Variants in USP49 observed in about 807,000 individuals in gnomAD.
The protein encoded by USP49 is ubiquitin carboxyl-terminal hydrolase 49.
USP49 carries 24 observed loss-of-function variants against 58.6 expected under a neutral mutation model. The observed-to-expected ratio is 0.41, with a 90% CI of 0.30 to 0.58. USP49 has a LOEUF of 0.58. Ranked by LOEUF, USP49 falls within the 20% of genes least tolerant of loss-of-function variation. The pLI, the probability that USP49 is intolerant of heterozygous loss-of-function variation, is 0.30. For synonymous variants in USP49, 408 were observed against 365.1 expected, an observed-to-expected ratio of 1.12 and a Z score of -1.34; for missense variants, 703 against 866.1, an observed-to-expected ratio of 0.81 and a Z score of 2.36.
intron 3 of USP49, among the ~76,000 whole-genome samples, chr6:41,810,854 C>T (rs567743255): frequency 1.3e-5 from 2 of 152,154 alleles, no homozygotes; most frequent in East Asian, 1.9e-4. Flanking sequence ...CCACCGTGCC[C>T]GGCCGGTAGT....
chr6:41,836,583 T>A (rs995450657), intron 3 of USP49, among the ~76,000 whole-genome samples: 1 of 152,136 alleles, frequency 6.6e-6, no homozygotes, highest in Non-Finnish European at 1.5e-5. Flanking sequence ...AGTCAAACTA[T>A]ATTTGCAGAT....
chr6:41,831,317 G>C (rs557603522), intron 3 of USP49, among the ~76,000 whole-genome samples: 2 of 152,056 alleles, frequency 1.3e-5, no homozygotes, highest in Non-Finnish European at 2.9e-5. Context: ...TTGAACCCAG[G>C]GGGTGGAGGT....
chr6:41,869,653 T>A (rs1414631551), intron 3 of USP49: 3 of 149,390 alleles, frequency 2.0e-5, no homozygotes, highest in African/African-American at 7.4e-5. Context: ...GAAGTTGCAG[T>A]GAACCAAGAC....
At chr6:41,797,098 C>T (rs563434426) in intron 7 of USP49, among the ~76,000 whole-genome samples, 30 of 152,100 alleles carry the variant, frequency 2.0e-4, no homozygotes, top group African/African-American at 7.0e-4. Flanking sequence ...GTAGCTGGGA[C>T]TACAGGTGCC....
chr6:41,794,362 C>T lies in USP49; in HGVS notation c.*2171G>A, dbSNP rs1376364045. The T allele has an allele frequency of 6.6e-6, 1 of 152,154 alleles. No individual in the cohort carries two copies. The highest frequency in any genetic ancestry group is 2.4e-5 in the African/African-American group (1 of 41,430). 9.4% of individuals were successfully genotyped at this position (152,154 alleles called of 1,614,324 possible). On this transcript the variant is annotated 3_prime_UTR_variant, in exon 8 of 8. Transcript: ENST00000682992. ...ATTTTTAAAAATTAAATTGGAAGATCTTTGAATTTTCCATTAAATGTTTAT... is the reference window on the plus strand; with the variant it reads ...ATTTTTAAAAATTAAATTGGAAGATTTTTGAATTTTCCATTAAATGTTTAT...
chr6:41,889,235 G>C (rs1774770707), intron 2 of USP49, among the ~76,000 whole-genome samples: 1 of 151,916 alleles, frequency 6.6e-6, no homozygotes, highest in Admixed American at 6.6e-5. Context: ...GTTTTACCAT[G>C]TTGGCCAGGC....
intron 3 of USP49, among the ~76,000 whole-genome samples, chr6:41,841,302 T>C (rs1773823538): frequency 6.6e-6 from 1 of 152,082 alleles, no homozygotes; most frequent in South Asian, 2.1e-4. Context: ...AGAAATATTA[T>C]AGTTAAAAAA....
intron 3 of USP49, among the ~76,000 whole-genome samples, chr6:41,859,776 A>C (rs547950576): frequency 6.6e-6 from 1 of 152,354 alleles, no homozygotes; most frequent in African/African-American, 2.4e-5. Flanking sequence ...AGTTCAAAAA[A>C]TAAGACAATC....
At chr6:41,812,955 CATT>C (rs1454728897) in intron 3 of USP49, among the ~76,000 whole-genome samples, 8 of 151,904 alleles carry the variant, frequency 5.3e-5, no homozygotes, top group African/African-American at 1.2e-4. Context: ...ATAGAGAATT[CATT>C]ATTATTACAC....
chr6:41,832,083 T>C (rs1773644669), intron 3 of USP49, among the ~76,000 whole-genome samples: 4 of 152,166 alleles, frequency 2.6e-5, no homozygotes, highest in South Asian at 4.1e-4. Context: ...TTACTAACCA[T>C]AGTCCAAACT....
rs180892960 is a variant in USP49 at position 41,790,592 on chromosome 6, G to T, written c.*5941C>A. 2 of 152,282 alleles carry T rather than the reference G, an allele frequency of 1.3e-5. No homozygotes were observed. The highest frequency in any genetic ancestry group is 3.9e-4 in the East Asian group (2 of 5,184). 9.4% of individuals were successfully genotyped at this position (152,282 alleles called of 1,614,324 possible). On this transcript the variant is annotated 3_prime_UTR_variant, in exon 8 of 8. Coordinates refer to ENST00000682992, the MANE Select transcript of USP49 (RefSeq NM_001286554.2). ...GGATTAAAGGACGTTAATTGGAAAGGAGGGTCAGTATATAAGGACCACAGT... is the reference window on the plus strand; with the variant it reads ...GGATTAAAGGACGTTAATTGGAAAGTAGGGTCAGTATATAAGGACCACAGT...
intron 3 of USP49, among the ~76,000 whole-genome samples, chr6:41,831,424 CA>C (rs1773632198): frequency 1.4e-5 from 2 of 148,094 alleles, no homozygotes; most frequent in South Asian, 4.3e-4. Flanking sequence ...AATAAAAATA[CA>C]AAAAATTAGC....
At chr6:41,833,061 G>C (rs1773663794) in intron 3 of USP49, 1 of 148,094 alleles carries the variant, frequency 6.8e-6, no homozygotes, top group African/African-American at 2.5e-5. Context: ...TTGTTGCCCA[G>C]GCTGGAGTGC....
chr6:41,867,840 AT>A (rs1774347237), intron 3 of USP49, among the ~76,000 whole-genome samples: 2 of 152,208 alleles, frequency 1.3e-5, no homozygotes, highest in Non-Finnish European at 2.9e-5. Context: ...ACTATAAATG[AT>A]TCATAATGAA....
At chr6:41,867,156 C>T (rs574293577) in intron 3 of USP49, among the ~76,000 whole-genome samples, 1 of 152,256 alleles carries the variant, frequency 6.6e-6, no homozygotes, top group African/African-American at 2.4e-5. Context: ...AAAACAAAAA[C>T]CACATACTAC....
intron 3 of USP49, among the ~76,000 whole-genome samples, chr6:41,812,706 T>C (rs918253124): frequency 1.3e-5 from 2 of 152,088 alleles, no homozygotes; most frequent in Non-Finnish European, 2.9e-5. Flanking sequence ...AAAAAAACTT[T>C]AGTACATTAA....
At position 41,805,619 on chromosome 6, in the gene USP49, C is replaced by G; in HGVS notation, c.1356+9G>C. 1 of 1,603,392 alleles carries G rather than the reference C, an allele frequency of 6.2e-7. No homozygotes were observed. The highest frequency in any genetic ancestry group is 8.5e-7 in the Non-Finnish European group (1 of 1,172,422). On this transcript the variant is annotated intron_variant, in intron 4 of 7. Transcript: ENST00000682992. ...AAGCCTCTCATTGTCATGGTAGGCACACACATACCTGACTGAGCAGCTGCC... is the reference window on the plus strand; with the variant it reads ...AAGCCTCTCATTGTCATGGTAGGCAGACACATACCTGACTGAGCAGCTGCC...
intron 2 of USP49, among the ~76,000 whole-genome samples, chr6:41,884,674 T>C (rs1483365628): frequency 2.6e-5 from 4 of 152,332 alleles, no homozygotes; most frequent in Admixed American, 2.0e-4. Flanking sequence ...CATTCATGCA[T>C]ACATTAATTT....
At chr6:41,831,309 GAACCC>G (rs1215759309) in intron 3 of USP49, among the ~76,000 whole-genome samples, 1 of 152,128 alleles carries the variant, frequency 6.6e-6, no homozygotes, top group East Asian at 1.9e-4. Flanking sequence ...AGAATCGCTT[GAACCC>G]AGGGGGTGGA....
Sources: allele counts gnomAD v4.1 joint callset (sites outside exome capture counted in the v4.1 genomes callset), GRCh38; gene constraint gnomAD v4.1.1; transcripts MANE v1.5; gene names NCBI Gene and HGNC (gene_info 2026-07-23, HGNC 2026-07-21).